The following GABRG3 variants were observed in gnomAD, a reference collection of about 807,000 sequenced individuals.
GABRG3 encodes gamma-aminobutyric acid receptor subunit gamma-3.
A neutral mutation model predicts 48.8 loss-of-function variants in GABRG3; 25 were observed. The observed-to-expected ratio is 0.51, with a 90% CI of 0.37 to 0.72. The LOEUF is 0.72. Among genes scored for constraint, GABRG3 ranks in the 30% least tolerant of loss-of-function variants. The probability of loss-of-function intolerance (pLI) is 0.00; values close to 1 mark genes in which losing one functional copy is unlikely to be tolerated. For missense variants in GABRG3, 394 were observed against 577.9 expected (o/e 0.68, Z 3.26); for synonymous variants, 227 against 217.6 (o/e 1.04, Z -0.38).
rs1011989325 is a variant in GABRG3, at chr15:27,534,669, A to C, written c.*1788A>C. On this transcript the variant is annotated 3_prime_UTR_variant, in exon 10 of 10. Transcript: ENST00000615808. ...GTATAGAAAAGTATCAATTTCACAC[A>C]ATGTCCTGGATGTATACCAGACACA... 3 of 152,234 alleles carry C rather than the reference A, an allele frequency of 2.0e-5. No homozygotes were observed. The highest frequency in any genetic ancestry group is 2.4e-5 in the African/African-American group (1 of 41,460). 9.4% of individuals were successfully genotyped at this position (152,234 alleles called of 1,614,324 possible). A position where few individuals can be genotyped will look rare whatever the true frequency, so the allele number is the denominator to read the frequency against.
chr15:27,513,482 T>C, intron 6 of GABRG3, among the ~76,000 whole-genome samples: 1 of 151,904 alleles, frequency 6.6e-6, no homozygotes, highest in Non-Finnish European at 1.5e-5. Context: ...AAAGCCACAT[T>C]ACAAGTAGCT....
intron 3 of GABRG3, among the ~76,000 whole-genome samples, chr15:27,285,750 A>G (rs974574623): frequency 6.6e-6 from 1 of 152,138 alleles, no homozygotes; most frequent in Non-Finnish European, 1.5e-5. Context: ...CTTGAGTAAA[A>G]TTAAGGCCTA....
chr15:27,397,443 A>G (rs1193265657), intron 5 of GABRG3, among the ~76,000 whole-genome samples: 1 of 152,150 alleles, frequency 6.6e-6, no homozygotes. Flanking sequence ...AATATTCACC[A>G]TCATTAGGAC....
intron 1 of GABRG3, among the ~76,000 whole-genome samples, chr15:26,972,083 TG>T (rs1894857286): frequency 6.6e-6 from 1 of 151,910 alleles, no homozygotes; most frequent in African/African-American, 2.4e-5. Flanking sequence ...GCGGGGGGAT[TG>T]GAACCAGGTG....
chr15:27,230,359 A>C (rs1460678350), intron 3 of GABRG3, among the ~76,000 whole-genome samples: 1 of 152,130 alleles, frequency 6.6e-6, no homozygotes, highest in Non-Finnish European at 1.5e-5. Flanking sequence ...TATTTTGACT[A>C]TTTTCTACCT....
At chr15:27,164,662 A>G (rs1295983140) in intron 3 of GABRG3, among the ~76,000 whole-genome samples, 4 of 152,244 alleles carry the variant, frequency 2.6e-5, no homozygotes, top group Admixed American at 6.5e-5. Context: ...CAGGGCAGTT[A>G]TCTGTTAGAC....
chr15:27,410,845 C>CGTGT (rs61423614), intron 5 of GABRG3, among the ~76,000 whole-genome samples: 1,658 of 143,700 alleles, frequency 0.012, 17 homozygotes, highest in Middle Eastern at 0.031. Flanking sequence ...TGCGCACGCT[C>CGTGT]GTGTGTGTGT....
chr15:27,342,437 C>T (rs1053681212), intron 5 of GABRG3, among the ~76,000 whole-genome samples: 1 of 152,182 alleles, frequency 6.6e-6, no homozygotes, highest in Non-Finnish European at 1.5e-5. Context: ...CCCTCCACAG[C>T]GTTCTGTATC....
At chr15:27,049,028 C>T (rs776895305) in intron 3 of GABRG3, among the ~76,000 whole-genome samples, 2 of 152,234 alleles carry the variant, frequency 1.3e-5, no homozygotes, top group Non-Finnish European at 2.9e-5. Flanking sequence ...GAAGTCAGTA[C>T]TCGGACACTA....
At chr15:27,527,876 TC>T in intron 8 of GABRG3, 56 bp from the exon 9 acceptor site, 1 of 1,367,124 alleles carries the variant, frequency 7.3e-7, no homozygotes, top group Non-Finnish European at 1.0e-6. Flanking sequence ...TTAAGAGTGA[TC>T]TTGGATGCAA....
Position 27,527,444 on chromosome 15 carries a change from G to T in GABRG3, c.877G>T (p.Val293Leu), listed in dbSNP as rs755576470. 1 of 1,613,680 alleles carries T rather than the reference G, an allele frequency of 6.2e-7. No individual in the cohort carries two copies. The change falls in exon 8 of 10, where the codon GTG becomes TTG. Residue 293 changes from valine (V) to leucine (L), a missense_variant. Physicochemically the swap from Val to Leu is conservative, Grantham distance 32. Coordinates refer to ENST00000615808, the MANE Select transcript of GABRG3 (RefSeq NM_033223.5). ...CGTCCCCTGTTCAGGCATCACCACG[G>T]TGCTGACCATGACCACCCTGAGCAC... ...PARTALGITT[V>L]LTMTTLSTIA...
intron 3 of GABRG3, among the ~76,000 whole-genome samples, chr15:27,291,846 C>T (rs924325393): frequency 1.3e-5 from 2 of 152,104 alleles, no homozygotes; most frequent in Non-Finnish European, 2.9e-5. Flanking sequence ...CTTCTATGTT[C>T]AATAAATTTG....
At chr15:27,252,227 C>T (rs1251405611) in intron 3 of GABRG3, among the ~76,000 whole-genome samples, 1 of 152,162 alleles carries the variant, frequency 6.6e-6, no homozygotes, top group East Asian at 1.9e-4. Flanking sequence ...CTCACCAGCC[C>T]TCCTTCTCAC....
intron 5 of GABRG3, among the ~76,000 whole-genome samples, chr15:27,454,667 G>A (rs1889210857): frequency 6.6e-6 from 1 of 152,096 alleles, no homozygotes; most frequent in African/African-American, 2.4e-5. Flanking sequence ...TAGCTATCTG[G>A]AACAGTAAGG....
intron 5 of GABRG3, among the ~76,000 whole-genome samples, chr15:27,360,310 G>A (rs561088797): frequency 1.3e-5 from 2 of 152,272 alleles, no homozygotes; most frequent in Admixed American, 6.5e-5. Context: ...ACAGAAGGGA[G>A]GACTTGACAA....
chr15:27,331,973 T>C (rs1015496048), intron 5 of GABRG3, among the ~76,000 whole-genome samples: 1 of 151,850 alleles, frequency 6.6e-6, no homozygotes, highest in African/African-American at 2.4e-5. Context: ...AAAACTTGGA[T>C]GCCCAAAATA....
intron 3 of GABRG3, among the ~76,000 whole-genome samples, chr15:27,068,814 C>T (rs1193611433): frequency 6.6e-6 from 1 of 152,138 alleles, no homozygotes; most frequent in Non-Finnish European, 1.5e-5. Context: ...AAGTGAAAAA[C>T]ATTTACCTGG....
intron 3 of GABRG3, among the ~76,000 whole-genome samples, chr15:27,168,299 C>T (rs557159746): frequency 6.6e-6 from 1 of 152,200 alleles, no homozygotes; most frequent in South Asian, 2.1e-4. Flanking sequence ...TCATTTTTAT[C>T]ATGTTGAAAC....
chr15:27,220,638 T>A (rs1426710902), intron 3 of GABRG3, among the ~76,000 whole-genome samples: 9 of 152,190 alleles, frequency 5.9e-5, no homozygotes, highest in Admixed American at 5.9e-4. Flanking sequence ...CAAGAACATA[T>A]GCTAAGATGT....
Sources: gnomAD v4.1 joint callset for allele counts (sites outside exome capture counted in the v4.1 genomes callset) on GRCh38, gnomAD v4.1.1 for gene constraint, MANE v1.5 for transcripts, NCBI Gene and HGNC (gene_info 2026-07-23, HGNC 2026-07-21) for gene names.